Variants in SLC9A9 observed in about 807,000 individuals in gnomAD.
SLC9A9 encodes the protein sodium/hydrogen exchanger 9.
SLC9A9 carries 62 observed loss-of-function variants against 77.8 expected under a neutral mutation model. The ratio of observed to expected loss-of-function variants is 0.80; its 90% CI spans 0.65 to 0.98. The LOEUF (loss-of-function observed/expected upper bound fraction) is 0.98. SLC9A9 is among the 50% of genes least tolerant of loss of function. SLC9A9 has a pLI of 0.00. For missense variants in SLC9A9, 775 were observed against 774.9 expected (o/e 1.00, Z 0.00); for synonymous variants, 320 against 283.5 (o/e 1.13, Z -1.29).
intron 4 of SLC9A9, among the ~76,000 whole-genome samples, chr3:143,745,330 G>C (rs974184121): frequency 2.0e-5 from 3 of 152,152 alleles, no homozygotes; most frequent in African/African-American, 4.8e-5. Context: ...ACAGCAGAAG[G>C]CTCCAGAGAA....
intron 12 of SLC9A9, among the ~76,000 whole-genome samples, chr3:143,421,996 C>T (rs1576486154): frequency 2.0e-5 from 3 of 152,242 alleles, no homozygotes; most frequent in Admixed American, 2.0e-4. Flanking sequence ...AAATGCTGAA[C>T]ATCACTAATC....
Position 143,848,385 on chromosome 3 carries a change from G to A in SLC9A9, c.-63C>T, listed in dbSNP as rs2009876198. 9 of 1,606,986 alleles carry A rather than the reference G, an allele frequency of 5.6e-6. No individual in the cohort carries two copies. The African/African-American group carries it at 8.0e-5, about 14-fold the overall frequency. ...GATAAAGGCTATTTTATCAAGATTT[G>A]CCTAAGACAGTCTGACTGCCTGAGA... On this transcript the variant is annotated 5_prime_UTR_variant, in exon 1 of 16. Coordinates refer to ENST00000316549, the MANE Select transcript of SLC9A9 (RefSeq NM_173653.4).
At chr3:143,750,357 TTC>T (rs1194300170) in intron 4 of SLC9A9, among the ~76,000 whole-genome samples, 1 of 152,210 alleles carries the variant, frequency 6.6e-6, no homozygotes, top group African/African-American at 2.4e-5. Flanking sequence ...AGAGCCCCAA[TTC>T]TCTTGCATTA....
intron 12 of SLC9A9, among the ~76,000 whole-genome samples, chr3:143,435,897 A>G (rs1164690103): frequency 1.3e-5 from 2 of 152,310 alleles, no homozygotes; most frequent in East Asian, 3.9e-4. Flanking sequence ...TTACACACAA[A>G]ACAGGATTGC....
At chr3:143,518,247 C>A (rs1011088053) in intron 9 of SLC9A9, 3 of 1,581,686 alleles carry the variant, frequency 1.9e-6, no homozygotes, top group Admixed American at 1.7e-5. Flanking sequence ...AGGTGGTGGG[C>A]GAAGCTCAGG....
intron 9 of SLC9A9, among the ~76,000 whole-genome samples, chr3:143,526,050 T>C (rs1295611693): frequency 1.3e-5 from 2 of 152,228 alleles, no homozygotes; most frequent in African/African-American, 2.4e-5. Context: ...TCTATGAATA[T>C]ACTATGCAGT....
At chr3:143,500,707 C>T (rs1266780393) in intron 9 of SLC9A9, among the ~76,000 whole-genome samples, 1 of 151,814 alleles carries the variant, frequency 6.6e-6, no homozygotes, top group Non-Finnish European at 1.5e-5. Context: ...CTCCTACCTC[C>T]CAACAATTTT....
intron 9 of SLC9A9, among the ~76,000 whole-genome samples, chr3:143,530,336 T>C (rs1035421728): frequency 1.3e-5 from 2 of 152,138 alleles, no homozygotes; most frequent in African/African-American, 4.8e-5. Context: ...GTTCTCCTGG[T>C]AGTGAATAAG....
At chr3:143,309,605 C>G (rs1343131020) in intron 14 of SLC9A9, among the ~76,000 whole-genome samples, 2 of 152,122 alleles carry the variant, frequency 1.3e-5, no homozygotes, top group Non-Finnish European at 2.9e-5. Context: ...CCTTTCTTCT[C>G]ATGTTTCTGT....
intron 5 of SLC9A9, among the ~76,000 whole-genome samples, chr3:143,665,821 A>G (rs964331667): frequency 3.9e-5 from 6 of 152,198 alleles, no homozygotes; most frequent in Admixed American, 1.3e-4. Context: ...AACAGGCTCT[A>G]AAATTGAGGC....
chr3:143,824,238 T>A (rs1438482207), intron 2 of SLC9A9, among the ~76,000 whole-genome samples: 1 of 151,828 alleles, frequency 6.6e-6, no homozygotes, highest in Non-Finnish European at 1.5e-5. Context: ...AAACTTTTTA[T>A]ATATACAAAA....
intron 14 of SLC9A9, among the ~76,000 whole-genome samples, chr3:143,296,708 T>A (rs1375106429): frequency 1.3e-5 from 2 of 152,224 alleles, no homozygotes; most frequent in African/African-American, 2.4e-5. Context: ...TCTTTCTCTC[T>A]TTTTTATAAT....
intron 11 of SLC9A9, among the ~76,000 whole-genome samples, chr3:143,484,588 G>A (rs937673439): frequency 1.3e-5 from 2 of 152,170 alleles, no homozygotes; most frequent in Non-Finnish European, 2.9e-5. Flanking sequence ...GGCTGGGAGC[G>A]GGTGTTGTCC....
chr3:143,573,092 C>T (rs556235166), intron 8 of SLC9A9, among the ~76,000 whole-genome samples: 1 of 152,320 alleles, frequency 6.6e-6, no homozygotes, highest in African/African-American at 2.4e-5. Flanking sequence ...ACTTTTGAAT[C>T]TTTCTATCGA....
chr3:143,520,008 A>T (rs942260970), intron 9 of SLC9A9, among the ~76,000 whole-genome samples: 1 of 152,214 alleles, frequency 6.6e-6, no homozygotes, highest in Non-Finnish European at 1.5e-5. Flanking sequence ...GCAAGACTAC[A>T]GATTAGGAGA....
At position 143,548,634 on chromosome 3, in the gene SLC9A9, C is replaced by T. The variant is rs898008716; in HGVS notation, c.1089+3728G>A. On this transcript the variant is annotated intron_variant, in intron 9 of 15. Coordinates refer to ENST00000316549, the MANE Select transcript of SLC9A9 (RefSeq NM_173653.4). ...ATTCAAAATACAAATCCTTATGTTG[C>T]GTAACAGCATCATAGTGCCTCTGTC... 5.3e-5 allele frequency among the ~76,000 whole-genome samples: 8 copies of T among 152,206 alleles called. No homozygotes were observed. In the South Asian group the frequency reaches 8.3e-4, roughly 16 times the overall value.
chr3:143,518,223 G>C (rs1229820349), intron 9 of SLC9A9: 1 of 1,596,820 alleles, frequency 6.3e-7, no homozygotes, highest in African/African-American at 1.3e-5. Context: ...ACTTTGCGGG[G>C]GTCCATGGCA....
intron 12 of SLC9A9, among the ~76,000 whole-genome samples, chr3:143,440,342 T>A (rs1391720944): frequency 6.6e-6 from 1 of 152,188 alleles, no homozygotes; most frequent in Non-Finnish European, 1.5e-5. Context: ...GGTTCCCTTT[T>A]GCTTATGATT....
At chr3:143,614,799 A>T (rs1371215245) in intron 6 of SLC9A9, among the ~76,000 whole-genome samples, 1 of 152,212 alleles carries the variant, frequency 6.6e-6, no homozygotes, top group Non-Finnish European at 1.5e-5. Flanking sequence ...CTGAGATATT[A>T]TCTGACTAAG....
Sources: gnomAD v4.1 joint callset for allele counts (sites outside exome capture counted in the v4.1 genomes callset) on GRCh38, gnomAD v4.1.1 for gene constraint, MANE v1.5 for transcripts, NCBI Gene and HGNC (gene_info 2026-07-23, HGNC 2026-07-21) for gene names.